Variants in SDCCAG8 observed in about 807,000 individuals in gnomAD.
SDCCAG8 encodes SHH signaling and ciliogenesis regulator SDCCAG8.
SDCCAG8 carries 74 observed loss-of-function variants against 101.8 expected under a neutral mutation model. The ratio of observed to expected loss-of-function variants is 0.73; its 90% CI spans 0.60 to 0.88. The LOEUF is 0.88. SDCCAG8 is among the 40% of genes least tolerant of loss of function. SDCCAG8 has a pLI of 0.00. For synonymous variants in SDCCAG8, 281 were observed against 292.9 expected (o/e 0.96, Z 0.41); for missense variants, 787 against 822.6 (o/e 0.96, Z 0.53).
chr1:243,466,994 C>G (rs1373778583), intron 16 of SDCCAG8, among the ~76,000 whole-genome samples: 1 of 152,222 alleles, frequency 6.6e-6, no homozygotes, highest in Non-Finnish European at 1.5e-5. Context: ...GTGCTGCTTC[C>G]TCATGCTGCA....
intron 16 of SDCCAG8, among the ~76,000 whole-genome samples, chr1:243,485,757 A>G (rs1056967261): frequency 6.6e-6 from 1 of 151,680 alleles, no homozygotes; most frequent in Non-Finnish European, 1.5e-5. Flanking sequence ...TATAAAAATT[A>G]GCTGGGCACG....
At chr1:243,403,194 T>C (rs962762440) in intron 13 of SDCCAG8, among the ~76,000 whole-genome samples, 2 of 152,084 alleles carry the variant, frequency 1.3e-5, no homozygotes, top group Admixed American at 6.5e-5. Context: ...GAGGCTTAGA[T>C]TGAGATGAGG....
chr1:243,498,837 T>TAAAG (rs760898245), intron 17 of SDCCAG8, among the ~76,000 whole-genome samples: 3 of 152,210 alleles, frequency 2.0e-5, no homozygotes, highest in Non-Finnish European at 4.4e-5. Context: ...GGTTCCTAAC[T>TAAAG]AAAGAAAGAG....
At chr1:243,471,979 T>C (rs1159551214) in intron 16 of SDCCAG8, among the ~76,000 whole-genome samples, 3 of 152,290 alleles carry the variant, frequency 2.0e-5, no homozygotes, top group African/African-American at 7.2e-5. Context: ...TGTGGTCAGG[T>C]TCTCAGGCCA....
chr1:243,421,222 C>G (rs1481735555), intron 15 of SDCCAG8, among the ~76,000 whole-genome samples: 5 of 152,308 alleles, frequency 3.3e-5, no homozygotes, highest in African/African-American at 1.2e-4. Flanking sequence ...AGCAACATTA[C>G]TCTAAGAGTC....
At chr1:243,387,368 C>T (rs927135171) in intron 13 of SDCCAG8, among the ~76,000 whole-genome samples, 10 of 151,798 alleles carry the variant, frequency 6.6e-5, no homozygotes, top group African/African-American at 1.9e-4. Flanking sequence ...TCGGATTGCC[C>T]TAAGTACAAA....
At chr1:243,294,477 G>C (rs924898361) in intron 6 of SDCCAG8, among the ~76,000 whole-genome samples, 1 of 94,016 alleles carries the variant, frequency 1.1e-5, no homozygotes, top group African/African-American at 3.0e-5. Flanking sequence ...AAAAGGTGGG[G>C]GGGGGGAGAG....
intron 16 of SDCCAG8, among the ~76,000 whole-genome samples, chr1:243,455,395 A>C (rs1254745022): frequency 6.6e-6 from 1 of 152,034 alleles, no homozygotes; most frequent in Non-Finnish European, 1.5e-5. Context: ...TCAGCCTCCC[A>C]AGTAGCTGGG....
intron 16 of SDCCAG8, chr1:243,476,220 AC>A: frequency 1.0e-6 from 1 of 985,504 alleles, no homozygotes; most frequent in South Asian, 4.7e-5. Flanking sequence ...GGGTTCTTTG[AC>A]AAGGGTCAGC....
chr1:243,269,207 C>A (rs2067880432), intron 1 of SDCCAG8: 1 of 151,820 alleles, frequency 6.6e-6, no homozygotes, highest in African/African-American at 2.4e-5. Context: ...CATGGTATAA[C>A]TTTTATTGCA....
At chr1:243,370,276 A>G (rs1156748342) in intron 12 of SDCCAG8, among the ~76,000 whole-genome samples, 37 of 152,154 alleles carry the variant, frequency 2.4e-4, no homozygotes, top group Non-Finnish European at 4.4e-5. Flanking sequence ...CTGAAAAAGC[A>G]TGATAGGATT....
chr1:243,294,029 T>G (rs528647939), intron 6 of SDCCAG8, among the ~76,000 whole-genome samples: 1 of 152,348 alleles, frequency 6.6e-6, no homozygotes, highest in South Asian at 2.1e-4. Context: ...TTTTCTTTAG[T>G]TCTTTGTCCA....
chr1:243,345,136 C>T (rs972501289), intron 12 of SDCCAG8, among the ~76,000 whole-genome samples: 1 of 151,998 alleles, frequency 6.6e-6, no homozygotes, highest in African/African-American at 2.4e-5. Flanking sequence ...GTAGGTCGCT[C>T]CAAATAAGTT....
chr1:243,371,834 C>G (rs1268311082), intron 12 of SDCCAG8, among the ~76,000 whole-genome samples: 2 of 152,104 alleles, frequency 1.3e-5, no homozygotes, highest in Non-Finnish European at 2.9e-5. Context: ...TTTATACCTG[C>G]ACTTTCCAAT....
intron 1 of SDCCAG8, among the ~76,000 whole-genome samples, chr1:243,269,614 T>G (rs1366712736): frequency 6.6e-6 from 1 of 151,880 alleles, no homozygotes; most frequent in Non-Finnish European, 1.5e-5. Context: ...GGATGTCTCT[T>G]GGTGGGGGAG....
intron 13 of SDCCAG8, among the ~76,000 whole-genome samples, chr1:243,402,107 T>C (rs1393252691): frequency 6.6e-6 from 1 of 152,142 alleles, no homozygotes; most frequent in Non-Finnish European, 1.5e-5. Context: ...ACATGTCATT[T>C]AAAATTTTCA....
At chr1:243,398,250 T>A (rs1296700211) in intron 13 of SDCCAG8, among the ~76,000 whole-genome samples, 2 of 152,214 alleles carry the variant, frequency 1.3e-5, no homozygotes, top group African/African-American at 2.4e-5. Flanking sequence ...TTAGAGAGAA[T>A]GTCTGTGATT....
At chr1:243,296,639 T>G (rs1293830878) in intron 6 of SDCCAG8, among the ~76,000 whole-genome samples, 3 of 142,142 alleles carry the variant, frequency 2.1e-5, no homozygotes, top group Admixed American at 7.6e-5. Context: ...GCCTTCCGGG[T>G]TCACGCCATT....
At chr1:243,381,589 T>C (rs1435961017) in intron 13 of SDCCAG8, among the ~76,000 whole-genome samples, 1 of 143,784 alleles carries the variant, frequency 7.0e-6, no homozygotes, top group Non-Finnish European at 1.5e-5. Context: ...ACCCTGTCTC[T>C]AAAAAAAAAA....
Sources: allele counts gnomAD v4.1 joint callset (sites outside exome capture counted in the v4.1 genomes callset), GRCh38; gene constraint gnomAD v4.1.1; transcripts MANE v1.5; gene names NCBI Gene and HGNC (gene_info 2026-07-23, HGNC 2026-07-21).